The following MYH10 variants were observed in gnomAD, a reference collection of about 807,000 sequenced individuals.
The protein encoded by MYH10 is myosin heavy chain 10.
MYH10 carries 55 observed loss-of-function variants against 257.8 expected under a neutral mutation model. The observed-to-expected ratio is 0.21, with a 90% CI of 0.17 to 0.27. The LOEUF is 0.27. MYH10 is among the 10% of genes least tolerant of loss of function. The pLI is 1.00. For synonymous variants in MYH10, 854 were observed against 921.7 expected, an observed-to-expected ratio of 0.93 and a Z score of 1.33; for missense variants, 1,631 against 2,500.6, an observed-to-expected ratio of 0.65 and a Z score of 7.42.
intron 4 of MYH10, among the ~76,000 whole-genome samples, 153 bp from the exon 5 acceptor site, chr17:8,577,491 G>GA (rs1446542043): frequency 6.6e-6 from 1 of 152,066 alleles, no homozygotes; most frequent in Non-Finnish European, 1.5e-5. Context: ...AGTTAGAAAA[G>GA]AAAATCATCC....
rs1007311187 is a variant in MYH10, at chr17:8,576,685, A to G, written c.634-13T>C. The G allele has an allele frequency of 3.4e-5, 53 of 1,550,482 alleles. No homozygotes were observed. Among genetic ancestry groups the G allele is most frequent in the Non-Finnish European group, 4.5e-5 (52 of 1,146,940 alleles). On this transcript the variant is annotated splice_polypyrimidine_tract_variant and intron_variant, in intron 5 of 42. Coordinates refer to ENST00000360416, the MANE Select transcript of MYH10 (RefSeq NM_001256012.3). ...TAGGCGATTCCTGCTGTTCATTACA[A>G]ACAGACAAATGCAAATGTTAGCAAG...
chr17:8,560,404 T>G, intron 7 of MYH10: 1 of 305,414 alleles, frequency 3.3e-6, no homozygotes, highest in Non-Finnish European at 6.4e-6. Context: ...GAAAGGAAGT[T>G]AGGTTCAAAG....
At chr17:8,557,507 T>C (rs1747093368) in intron 7 of MYH10, among the ~76,000 whole-genome samples, 1 of 152,184 alleles carries the variant, frequency 6.6e-6, no homozygotes, top group African/African-American at 2.4e-5. Flanking sequence ...GTCCTAACTC[T>C]GCCCCACCAA....
At chr17:8,536,004 C>A in intron 14 of MYH10, 73 bp from the exon 15 acceptor site, 3 of 1,373,496 alleles carry the variant, frequency 2.2e-6, no homozygotes, top group Non-Finnish European at 3.0e-6. Flanking sequence ...GGCACTTAAA[C>A]TTCTAAAACA....
intron 28 of MYH10, among the ~76,000 whole-genome samples, chr17:8,501,571 G>A (rs2080896992): frequency 1.3e-5 from 2 of 152,198 alleles, no homozygotes; most frequent in South Asian, 4.1e-4. Context: ...AAGACTCTTA[G>A]CGTCCATGTG....
At position 8,490,497 on chromosome 17, in the gene MYH10, C is replaced by T. The variant is rs1597625917; in HGVS notation, c.4727G>A (p.Arg1576Lys). 5 of 1,614,218 alleles carry T rather than the reference C, an allele frequency of 3.1e-6. No homozygotes were observed. The East Asian group carries it at 1.1e-4, about 36-fold the overall frequency. Residue 1576 changes from arginine (R) to lysine (K), a missense_variant, in exon 35 of 43, where the codon AGG becomes AAG. Arg to Lys is a conservative substitution (Grantham distance 26). Around this residue, in one of 11 missense-constraint regions of MYH10, gnomAD observed 463 missense variants for 621.8 expected, o/e 0.74. Coordinates refer to ENST00000360416, the MANE Select transcript of MYH10 (RefSeq NM_001256012.3). The surrounding 1 kb of genome is among the most constrained non-coding windows in gnomAD (Gnocchi z 4.1). ...RALEQQVEEM[R>K]TQLEELEDEL... is the part of the protein sequence containing the mutation. ...GTCTTCCAGCTCCTCCAGCTGGGTC[C>T]TCATTTCCTCCACCTGCTGCTCTAG...
At position 8,475,664 on chromosome 17, in the gene MYH10, T is replaced by C. The variant is rs1912438131; in HGVS notation, c.*140A>G. The C allele has an allele frequency of 1.1e-6, 1 of 944,120 alleles. No homozygotes were observed. The allele number at this position is 944,120 out of a possible 1,614,324, so 58.5% of individuals were successfully genotyped here. ...CCTAAGTCTGAAGCAGGATACAGTATGCATAGGCTGGAGAGCCTTAAGACA... is the reference window on the plus strand; with the variant it reads ...CCTAAGTCTGAAGCAGGATACAGTACGCATAGGCTGGAGAGCCTTAAGACA... On this transcript the variant is annotated 3_prime_UTR_variant, in exon 43 of 43. Coordinates refer to ENST00000360416, the MANE Select transcript of MYH10 (RefSeq NM_001256012.3).
At position 8,530,008 on chromosome 17, in the gene MYH10, T is replaced by TAA. The variant is rs1365160707; in HGVS notation, c.1957+614_1957+615insTT. 2.5e-3 allele frequency among the ~76,000 whole-genome samples: 375 copies of TAA among 152,332 alleles called. 3 individuals are homozygous for TAA. The highest frequency in any genetic ancestry group is 6.2e-3 in the African/African-American group (259 of 41,576). On this transcript the variant is annotated intron_variant, in intron 17 of 42. Transcript: ENST00000360416. ...ATTCTGACAACATTCCACTCTATTT[T>TAA]AGTCTCAACTTGCACATATCAGGCC...
intron 29 of MYH10, 112 bp downstream of exon 29, chr17:8,500,714 C>T (rs1917389928): frequency 7.5e-7 from 1 of 1,327,532 alleles, no homozygotes; most frequent in African/African-American, 1.5e-5. Context: ...CAGTGACGTA[C>T]AGAGGCTGGA....
Position 8,504,544 on chromosome 17 carries a change from C to T in MYH10, c.3599+150G>A. 1.4e-6 allele frequency: 1 copy of T among 698,154 alleles called. No homozygotes were observed. The highest frequency in any genetic ancestry group is 2.4e-6 in the Non-Finnish European group (1 of 420,772). The allele number at this position is 698,154 out of a possible 1,614,324, so 43.2% of individuals were successfully genotyped here. A position where few individuals can be genotyped will look rare whatever the true frequency, so the allele number is the denominator to read the frequency against. On this transcript the variant is annotated intron_variant, in intron 28 of 42. Transcript: ENST00000360416. The surrounding 1 kb of genome is among the most constrained non-coding windows in gnomAD (Gnocchi z 5.6). ...TTTCTACCCATAGGCTGGTCTGTTT[C>T]TAACCATTACCATTTAATCACCGTT...
intron 42 of MYH10, among the ~76,000 whole-genome samples, 155 bp downstream of exon 42, chr17:8,476,721 C>CTATAAAGGA (rs1912698900): frequency 6.6e-6 from 1 of 152,242 alleles, no homozygotes; most frequent in Admixed American, 6.5e-5. Flanking sequence ...CCAAGGACGA[C>CTATAAAGGA]TATAAAGGTC....
intron 17 of MYH10, among the ~76,000 whole-genome samples, chr17:8,528,250 G>A (rs552546553): frequency 2.6e-5 from 4 of 152,230 alleles, no homozygotes; most frequent in Admixed American, 2.6e-4. Context: ...TTTGGATCAG[G>A]TCTAAAGCCT....
rs2081211695 is a variant in MYH10 at position 8,510,065 on chromosome 17, G to A, written c.2953-116C>T. 7 of 762,560 alleles carry A rather than the reference G, an allele frequency of 9.2e-6. No homozygotes were observed. The East Asian group carries it at 1.9e-4, about 21-fold the overall frequency. 47.2% of individuals were successfully genotyped at this position (762,560 alleles called of 1,614,324 possible). ...ATTTTTTTTTTTTTTTTGACACGGA[G>A]TCTCGCTCTGTTGCCCAGGCTGAAG... On this transcript the variant is annotated intron_variant, in intron 24 of 42. Coordinates refer to ENST00000360416, the MANE Select transcript of MYH10 (RefSeq NM_001256012.3).
intron 4 of MYH10, among the ~76,000 whole-genome samples, chr17:8,577,857 CA>C (rs2083557003): frequency 2.0e-5 from 3 of 152,064 alleles, no homozygotes; most frequent in Non-Finnish European, 4.4e-5. Flanking sequence ...TGATAGATGC[CA>C]GTAAGAGGAC....
chr17:8,548,202 G>A, intron 11 of MYH10, 111 bp downstream of exon 11: 1 of 705,854 alleles, frequency 1.4e-6, no homozygotes, highest in Non-Finnish European at 2.4e-6. Context: ...CTCTACTCAA[G>A]GGTCCCTTCA....
In MYH10 at chr17:8,504,878, T is replaced by G; in HGVS notation, c.3415A>C (p.Asn1139His). ...AGCTCTCGCACAACTTTAAGGGCAT[T>G]GTTCTTATGGAGTGTTTCATCATCA... is the stretch of plus-strand genomic sequence containing the variant. ...RGDDETLHKN[N>H]ALKVVRELQA... Residue 1139 changes from asparagine to histidine, a missense_variant, in exon 28 of 43, where the codon AAT becomes CAT. Around this residue, in one of 11 missense-constraint regions of MYH10, gnomAD observed 169 missense variants for 249.8 expected, o/e 0.68. Transcript: ENST00000360416. This position sits in a 1 kb window ranked among gnomAD's most constrained non-coding sequence, Gnocchi z 5.6. 6.2e-7 allele frequency: 1 copy of G among 1,614,188 alleles called. No individual in the cohort carries two copies. The highest frequency in any genetic ancestry group is 8.5e-7 in the Non-Finnish European group (1 of 1,180,034).
chr17:8,583,842 A>T (rs1171161897), intron 4 of MYH10, among the ~76,000 whole-genome samples: 1 of 152,194 alleles, frequency 6.6e-6, no homozygotes, highest in Non-Finnish European at 1.5e-5. Context: ...TTATTTTATA[A>T]TTTTTACATT....
intron 2 of MYH10, among the ~76,000 whole-genome samples, chr17:8,609,403 C>G (rs1313343822): frequency 6.6e-6 from 1 of 150,836 alleles, no homozygotes; most frequent in African/African-American, 2.4e-5. Flanking sequence ...GCAAACACTG[C>G]ACCTAGTTAA....
intron 3 of MYH10, among the ~76,000 whole-genome samples, chr17:8,593,585 T>C (rs1448308991): frequency 1.3e-5 from 2 of 152,172 alleles, no homozygotes; most frequent in African/African-American, 4.8e-5. Context: ...AAAAATTAAA[T>C]GTTTAGTTAT....
Sources: allele counts gnomAD v4.1 joint callset (sites outside exome capture counted in the v4.1 genomes callset), GRCh38; gene constraint gnomAD v4.1.1; regional missense constraint gnomAD v4.1.1; non-coding constraint Gnocchi (gnomAD v3.1); transcripts MANE v1.5; gene names NCBI Gene and HGNC (gene_info 2026-07-23, HGNC 2026-07-21).